The following EPHA4 variants were observed in gnomAD, a reference collection of about 807,000 sequenced individuals.
EPHA4 encodes the protein ephrin type-A receptor 4.
In EPHA4, 19 loss-of-function variants were observed where a neutral mutation model predicts 108.3. The observed-to-expected ratio is 0.18, with a 90% CI of 0.12 to 0.26. The LOEUF (loss-of-function observed/expected upper bound fraction) is 0.26, where lower values mean the gene tolerates loss of function less well. Among genes scored for constraint, EPHA4 ranks in the 10% least tolerant of loss-of-function variants. EPHA4 has a pLI of 1.00. For missense variants in EPHA4, 917 were observed against 1,254.0 expected (o/e 0.73, Z 4.06); for synonymous variants, 449 against 455.5 (o/e 0.99, Z 0.18).
At chr2:221,472,607 A>G (rs992908581) in intron 5 of EPHA4, among the ~76,000 whole-genome samples, 4 of 151,990 alleles carry the variant, frequency 2.6e-5, no homozygotes, top group Non-Finnish European at 5.9e-5. Context: ...AGCCTTTATT[A>G]AAAGGATTTT....
intron 17 of EPHA4, among the ~76,000 whole-genome samples, chr2:221,421,314 A>AG (rs1689756087): frequency 6.6e-6 from 1 of 152,150 alleles, no homozygotes. Flanking sequence ...AAAAAAGAAA[A>AG]GAAAAAAAAG....
chr2:221,532,456 A>G (rs2106183970), intron 3 of EPHA4, among the ~76,000 whole-genome samples: 1 of 152,328 alleles, frequency 6.6e-6, no homozygotes, highest in Middle Eastern at 3.4e-3. Flanking sequence ...AAAGATGAGA[A>G]AAACTCAGAT....
chr2:221,524,188 G>C (rs1290297611), intron 3 of EPHA4, among the ~76,000 whole-genome samples: 1 of 152,184 alleles, frequency 6.6e-6, no homozygotes, highest in Non-Finnish European at 1.5e-5. Flanking sequence ...AAGATGTCCA[G>C]CCACGTCCGT....
chr2:221,466,142 A>G (rs968579887), intron 5 of EPHA4, among the ~76,000 whole-genome samples: 1 of 152,232 alleles, frequency 6.6e-6, no homozygotes, highest in Non-Finnish European at 1.5e-5. Context: ...CACGGCCACT[A>G]GTCTTCTAAC....
intron 3 of EPHA4, among the ~76,000 whole-genome samples, chr2:221,551,585 A>AGG (rs1694163035): frequency 6.6e-6 from 1 of 152,120 alleles, no homozygotes; most frequent in African/African-American, 2.4e-5. Context: ...ATATTCAGTA[A>AGG]CCATTTAAAA....
intron 5 of EPHA4, among the ~76,000 whole-genome samples, chr2:221,471,751 G>A (rs1278147983): frequency 1.3e-5 from 2 of 152,132 alleles, no homozygotes; most frequent in East Asian, 3.9e-4. Context: ...GTATTGGAGT[G>A]TACAATGAAG....
At chr2:221,440,800 A>T (rs2106103689) in intron 11 of EPHA4, among the ~76,000 whole-genome samples, 1 of 152,344 alleles carries the variant, frequency 6.6e-6, no homozygotes, top group South Asian at 2.1e-4. Context: ...CATTTTACAG[A>T]TGAGAAAACT....
intron 10 of EPHA4, among the ~76,000 whole-genome samples, 199 bp downstream of exon 10, chr2:221,443,294 A>G (rs1690486865): frequency 6.6e-6 from 1 of 152,222 alleles, no homozygotes; most frequent in African/African-American, 2.4e-5. Context: ...TTCAGATTGC[A>G]TTAAGTTTCT....
At chr2:221,530,844 C>T (rs1017880329) in intron 3 of EPHA4, among the ~76,000 whole-genome samples, 4 of 152,112 alleles carry the variant, frequency 2.6e-5, no homozygotes, top group South Asian at 4.2e-4. Flanking sequence ...CAGCCCAGAT[C>T]GTACTCCTCC....
At chr2:221,521,332 T>C (rs1489556866) in intron 3 of EPHA4, among the ~76,000 whole-genome samples, 1 of 152,212 alleles carries the variant, frequency 6.6e-6, no homozygotes, top group Non-Finnish European at 1.5e-5. Context: ...TTACAGGATA[T>C]TTTAAAAAGT....
chr2:221,567,563 G>A (rs2106213056), intron 2 of EPHA4, among the ~76,000 whole-genome samples: 1 of 152,298 alleles, frequency 6.6e-6, no homozygotes, highest in South Asian at 2.1e-4. Flanking sequence ...GTCAAGTTCA[G>A]GCAGAAAAAA....
At chr2:221,483,689 G>A (rs894417794) in intron 4 of EPHA4, among the ~76,000 whole-genome samples, 13 of 152,114 alleles carry the variant, frequency 8.5e-5, no homozygotes, top group South Asian at 2.1e-4. Context: ...TATCTTTGGC[G>A]GAGTTTGGCC....
chr2:221,428,577 A>C (rs1474800997), intron 15 of EPHA4, among the ~76,000 whole-genome samples: 2 of 152,218 alleles, frequency 1.3e-5, no homozygotes, highest in African/African-American at 4.8e-5. Context: ...ACCCTCAGAC[A>C]AAATACATGG....
At chr2:221,468,117 C>T (rs1285608754) in intron 5 of EPHA4, among the ~76,000 whole-genome samples, 1 of 151,946 alleles carries the variant, frequency 6.6e-6, no homozygotes, top group Non-Finnish European at 1.5e-5. Context: ...AGTGTTTCCA[C>T]TCTTAGTTGA....
upstream of EPHA4, chr2:221,573,217 C>G (rs1467368187): frequency 6.6e-6 from 1 of 152,286 alleles, no homozygotes; most frequent in Non-Finnish European, 1.5e-5. This position sits in a 1 kb window ranked among gnomAD's most constrained non-coding sequence, Gnocchi z 4.5. Context: ...GACTTGCAGC[C>G]GCACAGACAA....
Position 221,437,058 on chromosome 2 carries a change from T to C in EPHA4, c.2136+3A>G. On this transcript the variant is annotated splice_donor_region_variant and intron_variant, in intron 12 of 17. Coordinates refer to ENST00000281821, the MANE Select transcript of EPHA4 (RefSeq NM_004438.5). ...TTGGGTTTAATATAAAGTAGTCACA[T>C]ACCCTGAGGAATGCATCCAAGGAGC... The C allele has an allele frequency of 6.2e-7, 1 of 1,604,398 alleles. No homozygotes were observed.
chr2:221,469,558 T>C (rs1374834495), intron 5 of EPHA4, among the ~76,000 whole-genome samples: 4 of 152,176 alleles, frequency 2.6e-5, no homozygotes, highest in Non-Finnish European at 1.5e-5. Flanking sequence ...GGGGCTGAAT[T>C]CCTTGGCTTT....
chr2:221,526,271 C>T (rs1300026796), intron 3 of EPHA4, among the ~76,000 whole-genome samples: 2 of 150,644 alleles, frequency 1.3e-5, no homozygotes, highest in Non-Finnish European at 2.9e-5. Context: ...ATATAAGACA[C>T]TTATGAATAA....
At chr2:221,449,064 T>C (rs915585595) in intron 8 of EPHA4, among the ~76,000 whole-genome samples, 2 of 152,242 alleles carry the variant, frequency 1.3e-5, no homozygotes, top group East Asian at 3.9e-4. Context: ...TGTTTTTAAA[T>C]GAGATTTTTT....
Sources: allele counts gnomAD v4.1 joint callset (sites outside exome capture counted in the v4.1 genomes callset), GRCh38; gene constraint gnomAD v4.1.1; non-coding constraint Gnocchi (gnomAD v3.1); transcripts MANE v1.5; gene names NCBI Gene and HGNC (gene_info 2026-07-23, HGNC 2026-07-21).